Variants in LEKR1 observed in about 807,000 individuals in gnomAD.
LEKR1 encodes the protein protein LEKR1.
A neutral mutation model predicts 72.4 loss-of-function variants in LEKR1; 59 were observed. That is an observed-to-expected ratio of 0.82 (90% confidence interval 0.66 to 1.01). The LOEUF is 1.01. Among genes scored for constraint, LEKR1 ranks in the 50% least tolerant of loss-of-function variants. LEKR1 has a pLI of 0.00. For synonymous variants in LEKR1, 257 were observed against 263.2 expected, an observed-to-expected ratio of 0.98 and a Z score of 0.23; for missense variants, 728 against 759.2, an observed-to-expected ratio of 0.96 and a Z score of 0.48.
chr3:156,870,034 T>C (rs773939271), intron 3 of LEKR1, among the ~76,000 whole-genome samples: 10 of 152,136 alleles, frequency 6.6e-5, no homozygotes, highest in Non-Finnish European at 1.5e-4. Context: ...AGTTTATTTC[T>C]GGATTTTCTA....
At chr3:156,995,438 C>T (rs772457539) in intron 9 of LEKR1, among the ~76,000 whole-genome samples, 4 of 152,024 alleles carry the variant, frequency 2.6e-5, no homozygotes, top group Non-Finnish European at 5.9e-5. Context: ...TATTATTGCC[C>T]TTGTACTTTC....
intron 7 of LEKR1, among the ~76,000 whole-genome samples, chr3:156,984,892 G>A (rs1031154524): frequency 1.3e-5 from 2 of 151,842 alleles, no homozygotes; most frequent in African/African-American, 4.8e-5. Context: ...CCTTTCAACA[G>A]CATCTGACAG....
intron 5 of LEKR1, among the ~76,000 whole-genome samples, chr3:156,933,555 T>C (rs1434596886): frequency 6.6e-6 from 1 of 152,236 alleles, no homozygotes; most frequent in Non-Finnish European, 1.5e-5. Flanking sequence ...GTCTTGGTAA[T>C]GTTCTCATTT....
intron 3 of LEKR1, among the ~76,000 whole-genome samples, chr3:156,883,481 G>A (rs1238623254): frequency 1.3e-5 from 2 of 152,104 alleles, no homozygotes; most frequent in African/African-American, 2.4e-5. Flanking sequence ...GATTTGGAGG[G>A]GTCAGGAGTA....
intron 2 of LEKR1, among the ~76,000 whole-genome samples, chr3:156,832,723 T>C (rs1712581189): frequency 6.6e-6 from 1 of 152,176 alleles, no homozygotes; most frequent in Non-Finnish European, 1.5e-5. Flanking sequence ...TGTCAGAAAG[T>C]GACATTCTTT....
chr3:156,878,013 CCTTGTGAT>C (rs1718820452), intron 3 of LEKR1, among the ~76,000 whole-genome samples: 1 of 151,920 alleles, frequency 6.6e-6, no homozygotes, highest in African/African-American at 2.4e-5. Flanking sequence ...GAACTCCTGA[CCTTGTGAT>C]CTGCCTGCCT....
rs1292998841 is a variant in LEKR1 at position 156,831,977 on chromosome 3, G to A, written c.48+2600G>A. On this transcript the variant is annotated intron_variant, in intron 2 of 12. Transcript: ENST00000356539. ...ATCATACCTTATTTTTAATCTGTGT[G>A]TTATGGAAATGGAAAAAGGCCTACA... 2.6e-5 allele frequency among the ~76,000 whole-genome samples: 4 copies of A among 152,260 alleles called. No individual in the cohort carries two copies. The South Asian group carries it at 8.3e-4, about 32-fold the overall frequency.
intron 2 of LEKR1, among the ~76,000 whole-genome samples, chr3:156,845,021 T>C (rs1714418331): frequency 6.6e-6 from 1 of 151,918 alleles, no homozygotes; most frequent in South Asian, 2.1e-4. Flanking sequence ...TTTACCAGCA[T>C]TTGATGTTGT....
At chr3:156,985,952 G>A (rs1466505097) in intron 7 of LEKR1, among the ~76,000 whole-genome samples, 1 of 152,056 alleles carries the variant, frequency 6.6e-6, no homozygotes, top group Non-Finnish European at 1.5e-5. Context: ...GAGGGTCAAA[G>A]TCACAAAAGC....
chr3:156,890,760 C>T (rs932773560), intron 3 of LEKR1, among the ~76,000 whole-genome samples: 6 of 152,030 alleles, frequency 3.9e-5, no homozygotes, highest in Non-Finnish European at 7.4e-5. Flanking sequence ...ATCAGCTTAC[C>T]CCAAAGTAAT....
At chr3:156,933,056 A>C (rs79812643) in intron 5 of LEKR1, among the ~76,000 whole-genome samples, 10,050 of 152,036 alleles carry the variant, frequency 0.066, 404 homozygotes, top group African/African-American at 0.11. Context: ...AAACAAACAA[A>C]AATGGAGCAG....
At chr3:156,967,822 G>A (rs949531800) in intron 6 of LEKR1, among the ~76,000 whole-genome samples, 1 of 152,082 alleles carries the variant, frequency 6.6e-6, no homozygotes, top group African/African-American at 2.4e-5. Flanking sequence ...ACACATAATT[G>A]TCAGATTCAC....
chr3:156,936,243 G>A (rs1725686961), intron 5 of LEKR1, among the ~76,000 whole-genome samples: 1 of 152,080 alleles, frequency 6.6e-6, no homozygotes, highest in Admixed American at 6.5e-5. Flanking sequence ...CTGGAGAAGG[G>A]CCGCACAAAC....
At chr3:157,039,870 A>G (rs1391666163) in intron 12 of LEKR1, among the ~76,000 whole-genome samples, 1 of 152,244 alleles carries the variant, frequency 6.6e-6, no homozygotes. Context: ...GTAAATTACC[A>G]AAAAGTAGTT....
At chr3:157,019,192 G>C (rs972242158) in intron 10 of LEKR1, among the ~76,000 whole-genome samples, 2 of 151,920 alleles carry the variant, frequency 1.3e-5, no homozygotes, top group African/African-American at 4.8e-5. Context: ...ATTCCCATTG[G>C]TTTTAAAGGT....
At chr3:156,848,737 C>T (rs2108535851) in intron 2 of LEKR1, among the ~76,000 whole-genome samples, 1 of 152,178 alleles carries the variant, frequency 6.6e-6, no homozygotes, top group Middle Eastern at 3.4e-3. Context: ...GTCAATTCAG[C>T]ATTTTAAAAT....
intron 5 of LEKR1, among the ~76,000 whole-genome samples, chr3:156,936,426 A>AACGAACACAC (rs1553807782): frequency 3.9e-5 from 3 of 76,936 alleles, no homozygotes; most frequent in African/African-American, 2.8e-4. Flanking sequence ...GTACAATGAG[A>AACGAACACAC]ACACACACAC....
intron 10 of LEKR1, among the ~76,000 whole-genome samples, chr3:157,013,354 T>C (rs1733056764): frequency 6.6e-6 from 1 of 152,156 alleles, no homozygotes; most frequent in South Asian, 2.1e-4. Context: ...CCTCTAGTAC[T>C]TCTATTCACT....
intron 6 of LEKR1, among the ~76,000 whole-genome samples, chr3:156,968,299 C>T (rs1405902838): frequency 2.0e-5 from 3 of 152,160 alleles, no homozygotes; most frequent in African/African-American, 7.2e-5. Context: ...TGTAAATGGA[C>T]TAAATGTTCC....
Sources: gnomAD v4.1 joint callset for allele counts (sites outside exome capture counted in the v4.1 genomes callset) on GRCh38, gnomAD v4.1.1 for gene constraint, MANE v1.5 for transcripts, NCBI Gene and HGNC (gene_info 2026-07-23, HGNC 2026-07-21) for gene names.